Variants in NAA16 observed in about 807,000 individuals in gnomAD.
NAA16 encodes NARG1-like protein.
A neutral mutation model predicts 110.3 loss-of-function variants in NAA16; 97 were observed. The ratio of observed to expected loss-of-function variants is 0.88; its 90% CI spans 0.75 to 1.04. The LOEUF (loss-of-function observed/expected upper bound fraction) is 1.04, where lower values mean the gene tolerates loss of function less well. NAA16 is among the 50% of genes least tolerant of loss of function. The pLI is 0.00. For synonymous variants in NAA16, 372 were observed against 330.6 expected, an observed-to-expected ratio of 1.13 and a Z score of -1.36; for missense variants, 1,017 against 1,005.1, an observed-to-expected ratio of 1.01 and a Z score of -0.16.
rs908594462 is a variant in NAA16, at chr13:41,323,100, C to A, written c.447C>A (p.Ala149=). The A allele has an allele frequency of 5.0e-6, 8 of 1,613,984 alleles. No individual in the cohort carries two copies. In the African/African-American group the frequency reaches 1.1e-4, roughly 22 times the overall value. The part of the protein sequence containing the change: ...QLLQLRPTQR[A]SWIGYAIAYH... ...TTCAGTTGCGCCCCACACAGCGTGC[C>A]TCCTGGATTGGATATGCTATTGCAT... Residue 149 remains alanine (A), a synonymous_variant, in exon 5 of 20, where the codon GCC becomes GCA. Coordinates refer to ENST00000379406, the MANE Select transcript of NAA16 (RefSeq NM_024561.5).
chr13:41,358,659 C>T (rs1465636996), intron 11 of NAA16, 151 bp from the exon 12 acceptor site: 11 of 1,428,114 alleles, frequency 7.7e-6, no homozygotes, highest in Non-Finnish European at 1.0e-5. Flanking sequence ...CATTTGAGCT[C>T]TTAGTAAATG....
chr13:41,345,503 C>G (rs1052827257), intron 9 of NAA16, among the ~76,000 whole-genome samples: 1 of 151,944 alleles, frequency 6.6e-6, no homozygotes, highest in Non-Finnish European at 1.5e-5. Context: ...TTTTCTTTGC[C>G]CATTTTTAGA....
chr13:41,358,345 C>T lies in NAA16; in HGVS notation c.1129C>T (p.Gln377Ter). The change falls in exon 11 of 20, where the codon CAG becomes TAG. Residue 377 changes from glutamine to a stop codon, truncating the protein, a stop_gained. Transcript: ENST00000379406. LOFTEE classifies it high-confidence loss of function. ...KEPPTTLLWV[Q>*]YFLAQHFDKL... ...ACCCCCGACAACACTACTCTGGGTT[C>T]AGTATTTCCTGGCACAGCACTTTGA... 2 of 1,613,980 alleles carry T rather than the reference C, an allele frequency of 1.2e-6. No individual in the cohort carries two copies. Among genetic ancestry groups the T allele is most frequent in the Non-Finnish European group, 1.7e-6 (2 of 1,179,894 alleles).
intron 10 of NAA16, among the ~76,000 whole-genome samples, chr13:41,356,204 G>T (rs2139487111): frequency 6.6e-6 from 1 of 152,148 alleles, no homozygotes; most frequent in South Asian, 2.1e-4. Context: ...TTTGGGGGAG[G>T]TTTCTAGAGG....
In NAA16 at chr13:41,374,780, G is replaced by A. The variant is rs1465403284; in HGVS notation, c.2338G>A (p.Glu780Lys). Reference protein sequence around the residue: ...MMYFLDKSRQEKAIAIATRLD... With the variant: ...MMYFLDKSRQKKAIAIATRLD... Reference sequence around the variant, plus strand: ...GTATTTTCTGGACAAGTCAAGGCAGGAGAAAGCAATTGCTATAGCCACTAG... The same window carrying A: ...GTATTTTCTGGACAAGTCAAGGCAGAAGAAAGCAATTGCTATAGCCACTAG... Residue 780 changes from glutamate (E) to lysine (K), a missense_variant, in exon 19 of 20, where the codon GAG becomes AAG. By Grantham distance (56) the Glu-to-Lys change is moderately conservative. Coordinates refer to ENST00000379406, the MANE Select transcript of NAA16 (RefSeq NM_024561.5). 6.2e-7 allele frequency: 1 copy of A among 1,613,054 alleles called. No individual in the cohort carries two copies. Among genetic ancestry groups the A allele is most frequent in the Non-Finnish European group, 8.5e-7 (1 of 1,179,438 alleles).
At chr13:41,356,005 T>C (rs114063048) in intron 10 of NAA16, among the ~76,000 whole-genome samples, 84 of 152,314 alleles carry the variant, frequency 5.5e-4, no homozygotes, top group Middle Eastern at 3.4e-3. Flanking sequence ...TACATGTCAT[T>C]ACTCTGAGTA....
chr13:41,353,583 A>C (rs1391673548), intron 9 of NAA16, among the ~76,000 whole-genome samples: 2 of 124,364 alleles, frequency 1.6e-5, no homozygotes, highest in Admixed American at 9.1e-5. Flanking sequence ...TAGGCAATGT[A>C]GTGAGACTTT....
At chr13:41,335,812 C>A (rs2042364879) in intron 8 of NAA16, among the ~76,000 whole-genome samples, 1 of 149,718 alleles carries the variant, frequency 6.7e-6, no homozygotes. Flanking sequence ...CATAGGAGGT[C>A]ATTTCAGTCA....
Position 41,373,774 on chromosome 13 carries a change from C to T in NAA16, c.2293C>T (p.Leu765Phe). 1 of 1,594,566 alleles carries T rather than the reference C, an allele frequency of 6.3e-7. No homozygotes were observed. The highest frequency in any genetic ancestry group is 8.5e-7 in the Non-Finnish European group (1 of 1,174,066). ...TAACGCTACCTCTCTTCAGCATCTA[C>T]TTTCAGGTTTGTTTGTAGCCCCCAG... ...KRNATSLQHL[L>F]SGAKMMYFLD... is the part of the protein sequence containing the mutation. The change falls in exon 18 of 20, where the codon CTT becomes TTT. Residue 765 changes from leucine (L) to phenylalanine (F), a missense_variant. By Grantham distance (22) the Leu-to-Phe change is conservative (BLOSUM62 0). Coordinates refer to ENST00000379406, the MANE Select transcript of NAA16 (RefSeq NM_024561.5).
chr13:41,323,148 T>C lies in NAA16; in HGVS notation c.495T>C (p.Asp165=), dbSNP rs143937375. The stretch of plus-strand genomic sequence containing the variant: ...CATACCATTTGCTGAAAGATTATGA[T>C]ATGGCCCTAAAACTGTTGGAAGAAT... ...AIAYHLLKDY[D]MALKLLEEFR... Residue 165 remains aspartate, a synonymous_variant, in exon 5 of 20, where the codon GAT becomes GAC. Transcript: ENST00000379406. The C allele has an allele frequency of 8.7e-6, 14 of 1,614,000 alleles. No homozygotes were observed. The highest frequency in any genetic ancestry group is 1.0e-5 in the Non-Finnish European group (12 of 1,179,980).
intron 9 of NAA16, among the ~76,000 whole-genome samples, chr13:41,347,772 A>C (rs565908779): frequency 6.6e-6 from 1 of 152,188 alleles, no homozygotes; most frequent in African/African-American, 2.4e-5. Flanking sequence ...TCTATGTGCA[A>C]CATCATGTCA....
chr13:41,347,978 T>C (rs1395442583), intron 9 of NAA16, among the ~76,000 whole-genome samples: 1 of 152,190 alleles, frequency 6.6e-6, no homozygotes, highest in Non-Finnish European at 1.5e-5. Flanking sequence ...GGGTTTTTCA[T>C]ATATGTCCTT....
chr13:41,340,646 A>AGTTTT (rs2042512671), intron 9 of NAA16, among the ~76,000 whole-genome samples: 1 of 83,686 alleles, frequency 1.2e-5, no homozygotes, highest in Non-Finnish European at 2.4e-5. Flanking sequence ...GTTTTGAGTG[A>AGTTTT]GTTTTTTTTT....
chr13:41,318,294 C>T (rs1003203914), intron 2 of NAA16, among the ~76,000 whole-genome samples: 1 of 151,902 alleles, frequency 6.6e-6, no homozygotes, highest in Admixed American at 6.6e-5. Flanking sequence ...CAACCTCTGC[C>T]TCCTGGGTTC....
intron 8 of NAA16, among the ~76,000 whole-genome samples, chr13:41,335,435 G>A (rs74049132): frequency 0.074 from 11,273 of 152,116 alleles, 1,379 homozygotes; most frequent in African/African-American, 0.26. Flanking sequence ...AAGAAACAGC[G>A]TCTCTTATTG....
Position 41,375,717 on chromosome 13 carries a change from A to G in NAA16, c.*115A>G, listed in dbSNP as rs546666686. ...TGAAATATTTGGTTAGGATTTTTAA[A>G]TGGCATATTCTGTAAGCTTATTTTG... On this transcript the variant is annotated 3_prime_UTR_variant, in exon 20 of 20. Coordinates refer to ENST00000379406, the MANE Select transcript of NAA16 (RefSeq NM_024561.5). The G allele has an allele frequency of 2.6e-6, 2 of 763,718 alleles. No individual in the cohort carries two copies. Among genetic ancestry groups the G allele is most frequent in the East Asian group, 2.7e-5 (1 of 37,190 alleles). The allele number at this position is 763,718 out of a possible 1,614,324, so 47.3% of individuals were successfully genotyped here. A position where few individuals can be genotyped will look rare whatever the true frequency, so the allele number is the denominator to read the frequency against.
chr13:41,372,070 A>T (rs2043330933), intron 15 of NAA16, 133 bp from the exon 16 acceptor site: 1 of 743,822 alleles, frequency 1.3e-6, no homozygotes, highest in African/African-American at 1.8e-5. Flanking sequence ...TGATTTTTAA[A>T]TGTTTTCTTG....
At chr13:41,331,643 A>G (rs778014826) in intron 8 of NAA16, among the ~76,000 whole-genome samples, 14 of 152,092 alleles carry the variant, frequency 9.2e-5, no homozygotes, top group Admixed American at 2.0e-4. Flanking sequence ...CAGAGCTGGC[A>G]AGGGGAGTGT....
chr13:41,361,382 A>T (rs1471538063), intron 12 of NAA16, among the ~76,000 whole-genome samples: 1 of 152,206 alleles, frequency 6.6e-6, no homozygotes, highest in Non-Finnish European at 1.5e-5. Context: ...TTACTAACAG[A>T]TTTGATAAAT....
Sources: allele counts gnomAD v4.1 joint callset (sites outside exome capture counted in the v4.1 genomes callset), GRCh38; gene constraint gnomAD v4.1.1; transcripts MANE v1.5; gene names NCBI Gene and HGNC (gene_info 2026-07-23, HGNC 2026-07-21).